The following CFAP299 variants were observed in gnomAD, a reference collection of about 807,000 sequenced individuals.
The protein encoded by CFAP299 is cilia- and flagella-associated protein 299.
A neutral mutation model predicts 27.0 loss-of-function variants in CFAP299; 21 were observed. The ratio of observed to expected loss-of-function variants is 0.78; its 90% CI spans 0.55 to 1.12. The LOEUF is 1.12. Ranked by LOEUF, CFAP299 falls within the 50% of genes most tolerant of loss-of-function variation. CFAP299 has a pLI of 0.00. For missense variants in CFAP299, 310 were observed against 276.6 expected, an observed-to-expected ratio of 1.12 and a Z score of -0.86; for synonymous variants, 104 against 98.1, an observed-to-expected ratio of 1.06 and a Z score of -0.36.
intron 4 of CFAP299, among the ~76,000 whole-genome samples, chr4:80,937,562 C>G (rs1736976843): frequency 6.6e-6 from 1 of 151,920 alleles, no homozygotes; most frequent in African/African-American, 2.4e-5. Context: ...CTCAAATGAT[C>G]TGCCCACCTT....
chr4:80,540,287 C>T (rs1416603342), intron 2 of CFAP299, among the ~76,000 whole-genome samples: 3 of 152,136 alleles, frequency 2.0e-5, no homozygotes, highest in Non-Finnish European at 4.4e-5. Flanking sequence ...TTTTAATAAA[C>T]AGAGGACAGG....
intron 2 of CFAP299, among the ~76,000 whole-genome samples, chr4:80,418,157 G>A (rs1355223542): frequency 7.2e-5 from 11 of 152,062 alleles, no homozygotes; most frequent in Non-Finnish European, 1.5e-5. Context: ...CACAGTCTGG[G>A]ACAATATACA....
At chr4:80,894,180 T>C in intron 4 of CFAP299, among the ~76,000 whole-genome samples, 1 of 151,934 alleles carries the variant, frequency 6.6e-6, no homozygotes, top group South Asian at 2.1e-4. Context: ...CACCTCACAC[T>C]TGTTAGAATG....
chr4:80,710,933 A>T (rs1250995153), intron 3 of CFAP299, among the ~76,000 whole-genome samples: 4 of 152,144 alleles, frequency 2.6e-5, no homozygotes, highest in Non-Finnish European at 4.4e-5. Context: ...TTGGTCAAGG[A>T]TGGGCCCAGG....
chr4:80,627,678 T>A lies in CFAP299; in HGVS notation c.333+44495T>A, dbSNP rs1035499804. The stretch of plus-strand genomic sequence containing the variant: ...TACAAAATCAACATACAACACTCGG[T>A]AGTGTTTCTATTCACTAATAGCAAG... On this transcript the variant is annotated intron_variant, in intron 3 of 5. Transcript: ENST00000358105. Among the ~76,000 whole-genome samples the A allele has an allele frequency of 5.9e-5, 9 of 152,150 alleles. No homozygotes were observed. The East Asian group carries it at 1.5e-3, about 26-fold the overall frequency.
intron 3 of CFAP299, among the ~76,000 whole-genome samples, chr4:80,660,820 G>A (rs1740804098): frequency 6.6e-6 from 1 of 152,136 alleles, no homozygotes. Flanking sequence ...GCCATCCACA[G>A]TTTTGTGAAA....
At chr4:80,591,104 AATTTT>A (rs1308243304) in intron 3 of CFAP299, among the ~76,000 whole-genome samples, 1 of 116,498 alleles carries the variant, frequency 8.6e-6, no homozygotes, top group Non-Finnish European at 1.7e-5. Flanking sequence ...TACTTTAGGA[AATTTT>A]TTTTTTTTTT....
intron 4 of CFAP299, among the ~76,000 whole-genome samples, chr4:80,901,948 T>G (rs767659411): frequency 2.0e-5 from 3 of 152,114 alleles, no homozygotes; most frequent in Non-Finnish European, 2.9e-5. Context: ...TAAAGTTTGT[T>G]TCTCTCTCTG....
At chr4:80,921,861 CTGG>C (rs1232350050) in intron 4 of CFAP299, among the ~76,000 whole-genome samples, 1 of 151,804 alleles carries the variant, frequency 6.6e-6, no homozygotes, top group Non-Finnish European at 1.5e-5. Context: ...TGGAGGGAAT[CTGG>C]TGGTGAATGA....
At chr4:80,887,228 G>T (rs2110182135) in intron 4 of CFAP299, among the ~76,000 whole-genome samples, 1 of 152,126 alleles carries the variant, frequency 6.6e-6, no homozygotes, top group South Asian at 2.1e-4. Flanking sequence ...AGTACAAGAA[G>T]GTTATGGAAC....
At chr4:80,517,159 G>A (rs1463811667) in intron 2 of CFAP299, among the ~76,000 whole-genome samples, 3 of 152,132 alleles carry the variant, frequency 2.0e-5, no homozygotes, top group African/African-American at 7.2e-5. Flanking sequence ...TTGTTGAGGA[G>A]TAAATAGGAG....
intron 3 of CFAP299, among the ~76,000 whole-genome samples, chr4:80,785,302 A>G (rs946553710): frequency 1.8e-4 from 28 of 152,072 alleles, no homozygotes; most frequent in African/African-American, 6.3e-4. Flanking sequence ...CTATGATTAT[A>G]CTTTCATGGA....
chr4:80,726,959 G>GA (rs754860540), intron 3 of CFAP299, among the ~76,000 whole-genome samples: 104 of 151,644 alleles, frequency 6.9e-4, no homozygotes, highest in Non-Finnish European at 1.2e-3. Context: ...ATTTAGTTCA[G>GA]AAAAAAAATC....
chr4:80,546,059 A>G (rs1048508175), intron 2 of CFAP299, among the ~76,000 whole-genome samples: 14 of 152,168 alleles, frequency 9.2e-5, no homozygotes, highest in Admixed American at 8.5e-4. Flanking sequence ...TCCCTCAGTG[A>G]GAAACCCTTA....
intron 4 of CFAP299, among the ~76,000 whole-genome samples, chr4:80,929,617 T>C (rs1736499702): frequency 6.6e-6 from 1 of 152,186 alleles, no homozygotes; most frequent in Non-Finnish European, 1.5e-5. Context: ...TACAATCATT[T>C]TTCCATTCTA....
At chr4:80,904,347 C>A (rs17004999) in intron 4 of CFAP299, among the ~76,000 whole-genome samples, 1 of 152,062 alleles carries the variant, frequency 6.6e-6, no homozygotes, top group Non-Finnish European at 1.5e-5. Context: ...CAAGTCAATG[C>A]GTGAGGCTTC....
intron 3 of CFAP299, among the ~76,000 whole-genome samples, chr4:80,710,501 A>T (rs66713937): frequency 0.22 from 4,943 of 22,838 alleles, 136 homozygotes; most frequent in East Asian, 0.26. Context: ...TTTTTTTTTT[A>T]AAAAAAAAAA....
intron 4 of CFAP299, chr4:80,873,102 A>G (rs35443534): frequency 0.12 from 83,054 of 688,354 alleles, 5,505 homozygotes; most frequent in Middle Eastern, 0.24. Context: ...TTGATTTTAT[A>G]TCTTTAACTG....
chr4:80,465,570 C>G (rs1489443932), intron 2 of CFAP299, among the ~76,000 whole-genome samples: 4 of 152,138 alleles, frequency 2.6e-5, no homozygotes, highest in African/African-American at 9.7e-5. Context: ...CACTAGCCTT[C>G]CATCTTGTGC....
Sources: gnomAD v4.1 joint callset for allele counts (sites outside exome capture counted in the v4.1 genomes callset) on GRCh38, gnomAD v4.1.1 for gene constraint, MANE v1.5 for transcripts, NCBI Gene and HGNC (gene_info 2026-07-23, HGNC 2026-07-21) for gene names.